AGBL4: variants seen among roughly 807,000 people sequenced by gnomAD.
AGBL4 encodes the protein AGBL carboxypeptidase 4.
In AGBL4, 58 loss-of-function variants were observed where a neutral mutation model predicts 66.4. The observed-to-expected ratio is 0.87, with a 90% CI of 0.71 to 1.09. The LOEUF (loss-of-function observed/expected upper bound fraction) is 1.09, where lower values mean the gene tolerates loss of function less well. Among genes scored for constraint, AGBL4 ranks in the 50% least tolerant of loss-of-function variants. The pLI, the probability that AGBL4 is intolerant of heterozygous loss-of-function variation, is 0.00. For missense variants in AGBL4, 579 were observed against 631.0 expected (o/e 0.92, Z 0.88); for synonymous variants, 234 against 222.9 (o/e 1.05, Z -0.44).
chr1:49,003,999 G>A (rs531670292), intron 5 of AGBL4, among the ~76,000 whole-genome samples: 28 of 152,208 alleles, frequency 1.8e-4, no homozygotes, highest in Non-Finnish European at 3.2e-4. Flanking sequence ...CAGACTCTCC[G>A]AATAGTCTAA....
chr1:49,825,098 T>C (rs1335015155), intron 2 of AGBL4, among the ~76,000 whole-genome samples: 1 of 152,194 alleles, frequency 6.6e-6, no homozygotes, highest in Non-Finnish European at 1.5e-5. Flanking sequence ...AGATAGAATA[T>C]AGTGAGCAAC....
chr1:49,282,902 G>A (rs543186353), intron 3 of AGBL4, among the ~76,000 whole-genome samples: 16 of 152,260 alleles, frequency 1.1e-4, no homozygotes, highest in African/African-American at 3.6e-4. Flanking sequence ...TGCTAGCACA[G>A]CAGTCTGAGA....
At chr1:49,339,291 A>G (rs963814213) in intron 3 of AGBL4, among the ~76,000 whole-genome samples, 3 of 152,248 alleles carry the variant, frequency 2.0e-5, no homozygotes, top group African/African-American at 7.2e-5. Flanking sequence ...ATTAAAAGGA[A>G]GAGTGCACTT....
At chr1:49,875,614 C>T (rs1302657794) in intron 1 of AGBL4, among the ~76,000 whole-genome samples, 2 of 149,142 alleles carry the variant, frequency 1.3e-5, no homozygotes, top group Non-Finnish European at 3.0e-5. Context: ...CCGCAATAAA[C>T]ATACGTGTAC....
chr1:49,799,240 T>C lies in AGBL4; in HGVS notation c.157+52156A>G, dbSNP rs374940354. On this transcript the variant is annotated intron_variant, in intron 2 of 13. Transcript: ENST00000371839. ...TCTAATAATTAGGCCTACTTCACTA[T>C]GGGAAAATAACATGTGATAATAACT... is the stretch of plus-strand genomic sequence containing the variant. Among the ~76,000 whole-genome samples, 193 of 152,214 alleles carry C rather than the reference T, an allele frequency of 1.3e-3. 6 individuals are homozygous for C. In the South Asian group the frequency reaches 0.035, roughly 27 times the overall value.
intron 5 of AGBL4, among the ~76,000 whole-genome samples, chr1:49,041,690 C>A (rs1385831725): frequency 2.6e-5 from 4 of 152,074 alleles, no homozygotes; most frequent in African/African-American, 9.7e-5. Flanking sequence ...GAGAAAAAAA[C>A]CAAATAGTCT....
chr1:49,875,176 T>G (rs2148122435), intron 1 of AGBL4, among the ~76,000 whole-genome samples: 1 of 150,070 alleles, frequency 6.7e-6, no homozygotes, highest in East Asian at 2.0e-4. Context: ...TTAATTATAC[T>G]TTAAGTTTTA....
chr1:49,052,293 C>A (rs1290120742), intron 4 of AGBL4, among the ~76,000 whole-genome samples: 1 of 152,052 alleles, frequency 6.6e-6, no homozygotes, highest in Non-Finnish European at 1.5e-5. Flanking sequence ...GGCAGAATGC[C>A]AATGCAGACA....
intron 4 of AGBL4, among the ~76,000 whole-genome samples, chr1:49,211,722 T>C (rs762849612): frequency 6.6e-6 from 1 of 152,120 alleles, no homozygotes; most frequent in Non-Finnish European, 1.5e-5. Flanking sequence ...TACTCTGCAA[T>C]TTAATAACTC....
chr1:49,234,722 A>C (rs1410464909), intron 4 of AGBL4, among the ~76,000 whole-genome samples: 1 of 152,156 alleles, frequency 6.6e-6, no homozygotes, highest in African/African-American at 2.4e-5. Context: ...GATTTTCTCC[A>C]GGGACATTCC....
intron 9 of AGBL4, among the ~76,000 whole-genome samples, chr1:48,622,634 C>T (rs1225487720): frequency 6.6e-6 from 1 of 151,930 alleles, no homozygotes; most frequent in African/African-American, 2.4e-5. Context: ...CAGGCACCCA[C>T]CACCATGCCT....
intron 2 of AGBL4, among the ~76,000 whole-genome samples, chr1:49,820,532 T>C (rs1270280020): frequency 2.6e-5 from 4 of 152,174 alleles, no homozygotes; most frequent in Non-Finnish European, 4.4e-5. Flanking sequence ...AGGAATAAGA[T>C]ATGCTATGAA....
chr1:49,372,799 C>T (rs1394937818), intron 3 of AGBL4, among the ~76,000 whole-genome samples: 1 of 150,268 alleles, frequency 6.7e-6, no homozygotes, highest in Non-Finnish European at 1.5e-5. Flanking sequence ...CCCTCTATTT[C>T]CTAGGCTGGA....
At chr1:48,561,261 C>G (rs1346056166) in intron 11 of AGBL4, among the ~76,000 whole-genome samples, 5 of 150,648 alleles carry the variant, frequency 3.3e-5, no homozygotes, top group African/African-American at 1.2e-4. Flanking sequence ...TTCCTTCCTT[C>G]CCTCCTTCCC....
chr1:48,903,400 T>C (rs1652282248), intron 5 of AGBL4, among the ~76,000 whole-genome samples: 2 of 152,262 alleles, frequency 1.3e-5, no homozygotes, highest in South Asian at 4.1e-4. Context: ...ATGTGTAATG[T>C]TGACAGTTCT....
chr1:48,696,875 G>A (rs538905256), intron 6 of AGBL4, among the ~76,000 whole-genome samples: 3 of 152,114 alleles, frequency 2.0e-5, no homozygotes, highest in Admixed American at 1.3e-4. Context: ...GCCACCTCCC[G>A]GTGTCCCTGA....
intron 3 of AGBL4, among the ~76,000 whole-genome samples, chr1:49,552,469 A>G (rs1046692327): frequency 6.6e-6 from 1 of 152,188 alleles, no homozygotes; most frequent in Non-Finnish European, 1.5e-5. Context: ...GCGAGCTCCC[A>G]GGGCCTTTCT....
At chr1:49,493,651 T>C (rs943082382) in intron 3 of AGBL4, among the ~76,000 whole-genome samples, 1 of 151,968 alleles carries the variant, frequency 6.6e-6, no homozygotes, top group African/African-American at 2.4e-5. Flanking sequence ...GAGAACCATG[T>C]GAGAGGAAAC....
chr1:49,018,763 C>T (rs938839867), intron 5 of AGBL4, among the ~76,000 whole-genome samples: 4 of 152,124 alleles, frequency 2.6e-5, no homozygotes, highest in African/African-American at 9.7e-5. Context: ...ATCACAGATC[C>T]TGTGAATTTT....
Sources: allele counts gnomAD v4.1 joint callset (sites outside exome capture counted in the v4.1 genomes callset), GRCh38; gene constraint gnomAD v4.1.1; transcripts MANE v1.5; gene names NCBI Gene and HGNC (gene_info 2026-07-23, HGNC 2026-07-21).